ANKS1A: variants seen among roughly 807,000 people sequenced by gnomAD.
ANKS1A encodes the protein ankyrin repeat and sterile alpha motif domain containing 1A.
A neutral mutation model predicts 120.3 loss-of-function variants in ANKS1A; 55 were observed. The observed-to-expected ratio is 0.46, with a 90% CI of 0.37 to 0.57. The LOEUF (loss-of-function observed/expected upper bound fraction) is 0.57, where lower values mean the gene tolerates loss of function less well. ANKS1A is among the 20% of genes least tolerant of loss of function. The pLI, the probability that ANKS1A is intolerant of heterozygous loss-of-function variation, is 0.00. For synonymous variants in ANKS1A, 590 were observed against 604.7 expected (o/e 0.98, Z 0.36); for missense variants, 1,123 against 1,480.3 (o/e 0.76, Z 3.96).
At chr6:35,091,716 G>A (rs1396206137), downstream of ANKS1A, among the ~76,000 whole-genome samples, 5 of 152,210 alleles carry the variant, frequency 3.3e-5, no homozygotes, top group Non-Finnish European at 7.3e-5. Flanking sequence ...CTCTTGGTCT[G>A]GGCTTGTCCA....
intron 1 of ANKS1A, among the ~76,000 whole-genome samples, chr6:34,941,398 C>T (rs1769527234): frequency 6.6e-6 from 1 of 150,854 alleles, no homozygotes; most frequent in Admixed American, 6.6e-5. Flanking sequence ...GTTTTTTTTC[C>T]TCTGCTGTGT....
At chr6:35,026,914 T>A (rs1374914902) in intron 11 of ANKS1A, among the ~76,000 whole-genome samples, 1 of 152,180 alleles carries the variant, frequency 6.6e-6, no homozygotes, top group Non-Finnish European at 1.5e-5. Flanking sequence ...CCCACATTTT[T>A]AAAAAGCTAT....
chr6:34,979,892 G>A (rs187277777), intron 3 of ANKS1A, among the ~76,000 whole-genome samples: 1 of 152,280 alleles, frequency 6.6e-6, no homozygotes, highest in Admixed American at 6.5e-5. Context: ...GAAAGATCCT[G>A]TGAGTTTTTG....
At chr6:34,913,784 C>A (rs1768018717) in intron 1 of ANKS1A, among the ~76,000 whole-genome samples, 1 of 152,120 alleles carries the variant, frequency 6.6e-6, no homozygotes. Context: ...AGGCGTGCAC[C>A]ACCACACCCA....
intron 11 of ANKS1A, among the ~76,000 whole-genome samples, chr6:35,042,022 G>A (rs986483666): frequency 1.5e-4 from 23 of 152,222 alleles, no homozygotes; most frequent in African/African-American, 5.1e-4. Flanking sequence ...GGCCTCAGAG[G>A]AGCAGAGAAA....
chr6:34,890,184 C>T (rs1037633724), intron 1 of ANKS1A, among the ~76,000 whole-genome samples: 3 of 151,996 alleles, frequency 2.0e-5, no homozygotes, highest in Non-Finnish European at 4.4e-5. Context: ...CTCCGCCTCC[C>T]GGGTTCAAGC....
rs533083946 is a variant in ANKS1A at position 34,971,731 on chromosome 6, A to G, written c.435+1565A>G. Among the ~76,000 whole-genome samples, 17 of 152,316 alleles carry G rather than the reference A, an allele frequency of 1.1e-4. No homozygotes were observed. The South Asian group carries it at 3.3e-3, about 30-fold the overall frequency. ...CTCTCAGTTAGCTGTTAAAAGCATG[A>G]CTTTGATTCTGAGGGGGGCAGCTTC... On this transcript the variant is annotated intron_variant, in intron 3 of 23. Transcript: ENST00000360359.
chr6:35,080,793 C>T (rs932182953), intron 16 of ANKS1A, among the ~76,000 whole-genome samples: 3 of 152,076 alleles, frequency 2.0e-5, no homozygotes, highest in Non-Finnish European at 4.4e-5. Flanking sequence ...AAGTGGCTTC[C>T]CCGCCCTCTC....
Position 35,050,445 on chromosome 6 carries a change from C to T in ANKS1A, c.2011-3654C>T, listed in dbSNP as rs114626551. ...GAGGAGAACACTAAATGGTGCCCGT[C>T]CATTACACTTAACCTGCCTCTTCCC... is the stretch of plus-strand genomic sequence containing the variant. On this transcript the variant is annotated intron_variant, in intron 11 of 23. Coordinates refer to ENST00000360359, the MANE Select transcript of ANKS1A (RefSeq NM_015245.3). This position sits in a 1 kb window ranked among gnomAD's most constrained non-coding sequence, Gnocchi z 4.3. 4.1e-3 allele frequency among the ~76,000 whole-genome samples: 618 copies of T among 152,328 alleles called. 5 individuals carry two copies. The highest frequency in any genetic ancestry group is 0.017 in the Middle Eastern group (5 of 294).
At chr6:35,015,822 A>C (rs1773971188) in intron 10 of ANKS1A, among the ~76,000 whole-genome samples, 1 of 152,226 alleles carries the variant, frequency 6.6e-6, no homozygotes, top group Non-Finnish European at 1.5e-5. Flanking sequence ...TGGGCATTGG[A>C]GACTGTGTTT....
At chr6:35,070,201 T>C (rs767471102) in intron 13 of ANKS1A, among the ~76,000 whole-genome samples, 24 of 152,074 alleles carry the variant, frequency 1.6e-4, no homozygotes, top group Non-Finnish European at 3.1e-4. Context: ...ATGACTGGTA[T>C]TGGTGGCAGT....
At chr6:34,916,576 T>C (rs1768177052) in intron 1 of ANKS1A, among the ~76,000 whole-genome samples, 1 of 152,196 alleles carries the variant, frequency 6.6e-6, no homozygotes, top group Admixed American at 6.5e-5. Flanking sequence ...AAATGAAAAC[T>C]GAACTGCCAG....
intron 10 of ANKS1A, among the ~76,000 whole-genome samples, chr6:34,999,772 C>G (rs1235556082): frequency 6.6e-6 from 1 of 152,040 alleles, no homozygotes. Flanking sequence ...CCTTCCCCGC[C>G]ACAGTAGTTA....
chr6:35,080,893 TGCCGC>T, intron 16 of ANKS1A, 96 bp from the exon 17 acceptor site: 1 of 1,419,656 alleles, frequency 7.0e-7, no homozygotes. Flanking sequence ...CTTCTCCCGG[TGCCGC>T]TGCCTGTGCC....
Position 35,090,429 on chromosome 6 carries a change from G to T in ANKS1A, c.*1820G>T. 2 of 1,194,384 alleles carry T rather than the reference G, an allele frequency of 1.7e-6. No homozygotes were observed. Among genetic ancestry groups the T allele is most frequent in the Non-Finnish European group, 2.1e-6 (2 of 943,724 alleles). The allele number at this position is 1,194,384 out of a possible 1,614,324, so 74.0% of individuals were successfully genotyped here. On this transcript the variant is annotated 3_prime_UTR_variant, in exon 24 of 24. Coordinates refer to ENST00000360359, the MANE Select transcript of ANKS1A (RefSeq NM_015245.3). ...CGGGGCGGTAGGTCCGAAAGAAACC[G>T]CAGACACTACGATGCACTCCTCAAG...
intron 13 of ANKS1A, among the ~76,000 whole-genome samples, chr6:35,074,109 G>A (rs1380315259): frequency 6.6e-6 from 1 of 152,264 alleles, no homozygotes; most frequent in Non-Finnish European, 1.5e-5. Flanking sequence ...TGTCTCCGGC[G>A]GATCTGGCTT....
intron 1 of ANKS1A, among the ~76,000 whole-genome samples, chr6:34,943,956 AGAAACTGC>A (rs1769654795): frequency 6.6e-6 from 1 of 152,222 alleles, no homozygotes; most frequent in Non-Finnish European, 1.5e-5. Context: ...TAGCTTTGTA[AGAAACTGC>A]CAAACTGTCT....
At chr6:35,054,985 AG>A (rs1293828918) in intron 12 of ANKS1A, among the ~76,000 whole-genome samples, 1 of 152,210 alleles carries the variant, frequency 6.6e-6, no homozygotes, top group African/African-American at 2.4e-5. Flanking sequence ...TCTGCCCTGA[AG>A]GGGTGGAAAT....
At chr6:34,967,684 T>C (rs847858) in intron 2 of ANKS1A, among the ~76,000 whole-genome samples, 122,788 of 151,952 alleles carry the variant, frequency 0.81, 50,354 homozygotes, top group African/African-American at 0.95. Context: ...GTTGACAGAG[T>C]GACCCTATCT....
Sources: allele counts gnomAD v4.1 joint callset (sites outside exome capture counted in the v4.1 genomes callset), GRCh38; gene constraint gnomAD v4.1.1; non-coding constraint Gnocchi (gnomAD v3.1); transcripts MANE v1.5; gene names NCBI Gene and HGNC (gene_info 2026-07-23, HGNC 2026-07-21).